ABCG1: variants seen among roughly 807,000 people sequenced by gnomAD.
The protein encoded by ABCG1 is ATP binding cassette subfamily G member 1.
In ABCG1, 29 loss-of-function variants were observed where a neutral mutation model predicts 69.2. That is an observed-to-expected ratio of 0.42 (90% CI 0.31 to 0.57). The LOEUF (loss-of-function observed/expected upper bound fraction) is 0.57. Among genes scored for constraint, ABCG1 ranks in the 20% least tolerant of loss-of-function variants. The probability of loss-of-function intolerance (pLI) is 0.15; values close to 1 mark genes in which losing one functional copy is unlikely to be tolerated. For synonymous variants in ABCG1, 370 were observed against 374.8 expected (o/e 0.99, Z 0.15); for missense variants, 718 against 898.1 (o/e 0.80, Z 2.56).
At chr21:42,250,545 G>A (rs1278741556) in intron 2 of ABCG1, among the ~76,000 whole-genome samples, 4 of 152,192 alleles carry the variant, frequency 2.6e-5, no homozygotes, top group Admixed American at 6.5e-5. Flanking sequence ...ACAGGGCTGG[G>A]ACCTCCCAGG....
chr21:42,286,256 A>T, intron 8 of ABCG1: 1 of 416,654 alleles, frequency 2.4e-6, no homozygotes, highest in Non-Finnish European at 4.4e-6. Context: ...GACAGCAGTC[A>T]TTGGATTCAG....
intron 2 of ABCG1, among the ~76,000 whole-genome samples, chr21:42,207,896 G>A (rs1219175701): frequency 1.3e-5 from 2 of 152,152 alleles, no homozygotes; most frequent in African/African-American, 2.4e-5. Flanking sequence ...GACTCTACTG[G>A]GTCTCCTGTC....
chr21:42,219,059 C>T, upstream of ABCG1: 1 of 291,506 alleles, frequency 3.4e-6, no homozygotes, highest in Non-Finnish European at 5.9e-6. This position sits in a 1 kb window ranked among gnomAD's most constrained non-coding sequence, Gnocchi z 5.3. Context: ...GCCGGCCCGC[C>T]CGCCCCCTTG....
chr21:42,221,012 T>C (rs1056956317), intron 1 of ABCG1, among the ~76,000 whole-genome samples: 1 of 152,250 alleles, frequency 6.6e-6, no homozygotes, highest in Non-Finnish European at 1.5e-5. Context: ...AAAAATGTTA[T>C]ATTATCATTT....
chr21:42,292,856 ACAC>A (rs1335105519), intron 13 of ABCG1, among the ~76,000 whole-genome samples: 1 of 143,160 alleles, frequency 7.0e-6, no homozygotes, highest in South Asian at 2.4e-4. Flanking sequence ...TACACACTGC[ACAC>A]CACACTACAC....
chr21:42,201,591 G>A lies in ABCG1; in HGVS notation c.-85G>A. On this transcript the variant is annotated 5_prime_UTR_variant, in exon 2 of 16. Coordinates refer to the ABCG1 transcript ENST00000398457. Reference sequence around the variant, plus strand: ...CTCCACCACAGCGCTACACCAACCTGAACTTCGCTTCCTGAGACCTAAGAT... The same window carrying A: ...CTCCACCACAGCGCTACACCAACCTAAACTTCGCTTCCTGAGACCTAAGAT... 1.9e-6 allele frequency: 3 copies of A among 1,546,948 alleles called. No individual in the cohort carries two copies. The South Asian group carries it at 3.6e-5, about 18-fold the overall frequency.
chr21:42,200,304 A>G (rs2067496065), intron 1 of ABCG1, among the ~76,000 whole-genome samples: 1 of 152,204 alleles, frequency 6.6e-6, no homozygotes, highest in South Asian at 2.1e-4. Context: ...CAGGGTCCCA[A>G]CGGGTTTCTA....
intron 13 of ABCG1, among the ~76,000 whole-genome samples, chr21:42,294,304 T>C (rs990124864): frequency 6.6e-6 from 1 of 152,136 alleles, no homozygotes; most frequent in African/African-American, 2.4e-5. Flanking sequence ...TCCCAGCTCA[T>C]CCTGGGCTGC....
At chr21:42,206,379 T>TAAACAAAC (rs1253507816) in intron 2 of ABCG1, among the ~76,000 whole-genome samples, 12 of 147,372 alleles carry the variant, frequency 8.1e-5, no homozygotes, top group Admixed American at 6.8e-4. Flanking sequence ...AATAAATAAA[T>TAAACAAAC]AAATAAACAA....
chr21:42,202,128 G>A (rs1225671661), intron 2 of ABCG1, among the ~76,000 whole-genome samples: 1 of 152,142 alleles, frequency 6.6e-6, no homozygotes, highest in Non-Finnish European at 1.5e-5. Flanking sequence ...CCCCACCCCT[G>A]GACCATGCCT....
intron 2 of ABCG1, among the ~76,000 whole-genome samples, chr21:42,229,273 A>C (rs1481004596): frequency 6.6e-6 from 1 of 152,226 alleles, no homozygotes; most frequent in Non-Finnish European, 1.5e-5. Flanking sequence ...CTCTCAGTAT[A>C]TTCATTTTGC....
chr21:42,256,571 C>G, intron 2 of ABCG1: 2 of 1,535,232 alleles, frequency 1.3e-6, no homozygotes, highest in Non-Finnish European at 1.8e-6. Context: ...CTCTGGGACA[C>G]TGACCCATGA....
chr21:42,227,600 T>A (rs992378929), intron 2 of ABCG1, among the ~76,000 whole-genome samples: 3 of 152,250 alleles, frequency 2.0e-5, no homozygotes, highest in Non-Finnish European at 4.4e-5. Context: ...TGTCTTGGCA[T>A]AAGCCTGGCA....
intron 6 of ABCG1, among the ~76,000 whole-genome samples, chr21:42,283,065 T>C (rs1247118682): frequency 1.3e-5 from 2 of 152,196 alleles, no homozygotes; most frequent in Non-Finnish European, 2.9e-5. Flanking sequence ...ATGTGTCCTG[T>C]CCAGTTGTCC....
At chr21:42,239,546 C>G (rs952165512) in intron 2 of ABCG1, among the ~76,000 whole-genome samples, 2 of 152,228 alleles carry the variant, frequency 1.3e-5, no homozygotes, top group Non-Finnish European at 2.9e-5. Context: ...AGCCTCACAC[C>G]TATGTGCTCC....
chr21:42,296,365 C>G lies in ABCG1; in HGVS notation c.1974C>G (p.Leu658=), dbSNP rs1296234552. The G allele has an allele frequency of 1.2e-6, 2 of 1,613,884 alleles. No individual in the cohort carries two copies. Among genetic ancestry groups the G allele is most frequent in the Admixed American group, 1.7e-5 (1 of 60,002 alleles). Residue 658 remains leucine, a synonymous_variant, in exon 15 of 15, where the codon CTC becomes CTG. Transcript: ENST00000398449. This position sits in a 1 kb window ranked among gnomAD's most constrained non-coding sequence, Gnocchi z 5.4. ...TCCGCCTCATTGCCTATTTTGTCCT[C>G]AGGTACAAAATCCGGGCAGAGAGGT... The part of the protein sequence containing the change: ...ISLRLIAYFV[L]RYKIRAER
Position 42,225,748 on chromosome 21 carries a change from C to T in ABCG1, c.120C>T (p.Asn40=). The change falls in exon 2 of 15, where the codon AAC becomes AAT. Residue 40 remains asparagine (N), a synonymous_variant. Transcript: ENST00000398449. ...CGGTGGATGAGGTGGTGTCCAGCAA[C>T]ATGGAGGCCACTGAGACGGACCTGC... ...CVSVDEVVSS[N]MEATETDLLN... The T allele has an allele frequency of 1.2e-6, 2 of 1,613,902 alleles. No homozygotes were observed. The highest frequency in any genetic ancestry group is 1.7e-6 in the Non-Finnish European group (2 of 1,179,984).
rs984486910 is a variant in ABCG1 at position 42,261,614 on chromosome 21, C to T, written c.287-9456C>T. ...CGGGGACTGCCCGCTTGTGAGGAGACGCATTGCCTCGCTCTGGCTTGGAAG... is the reference window on the plus strand; with the variant it reads ...CGGGGACTGCCCGCTTGTGAGGAGATGCATTGCCTCGCTCTGGCTTGGAAG... On this transcript the variant is annotated intron_variant, in intron 2 of 14. Coordinates refer to ENST00000398449, the MANE Select transcript of ABCG1 (RefSeq NM_016818.3). Among the ~76,000 whole-genome samples, 8 of 152,282 alleles carry T rather than the reference C, an allele frequency of 5.3e-5. No individual in the cohort carries two copies. The East Asian group carries it at 7.7e-4, about 15-fold the overall frequency.
chr21:42,283,714 CCA>C (rs200565080), intron 6 of ABCG1, among the ~76,000 whole-genome samples: 15,159 of 41,124 alleles, frequency 0.37, 3,589 homozygotes, highest in East Asian at 0.46. Flanking sequence ...TTGTGAAGTA[CCA>C]CCCACCACCC....
Sources: gnomAD v4.1 joint callset for allele counts (sites outside exome capture counted in the v4.1 genomes callset) on GRCh38, gnomAD v4.1.1 for gene constraint, Gnocchi (gnomAD v3.1) non-coding constraint, MANE v1.5 for transcripts, NCBI Gene and HGNC (gene_info 2026-07-23, HGNC 2026-07-21) for gene names.